The following CNTNAP2 variants were observed in gnomAD, a reference collection of about 807,000 sequenced individuals.
CNTNAP2 encodes the protein contactin-associated protein-like 2.
CNTNAP2 carries 98 observed loss-of-function variants against 155.2 expected under a neutral mutation model. The ratio of observed to expected loss-of-function variants is 0.63; its 90% CI spans 0.54 to 0.75. The LOEUF (loss-of-function observed/expected upper bound fraction) is 0.75, where lower values mean the gene tolerates loss of function less well. CNTNAP2 is among the 30% of genes least tolerant of loss of function. The pLI is 0.00. For synonymous variants in CNTNAP2, 651 were observed against 631.2 expected, an observed-to-expected ratio of 1.03 and a Z score of -0.47; for missense variants, 1,727 against 1,688.1, an observed-to-expected ratio of 1.02 and a Z score of -0.40.
At chr7:146,558,283 T>C (rs1160129966) in intron 1 of CNTNAP2, among the ~76,000 whole-genome samples, 1 of 152,108 alleles carries the variant, frequency 6.6e-6, no homozygotes, top group African/African-American at 2.4e-5. Flanking sequence ...ACATGTTTTA[T>C]GTCACTCATG....
chr7:147,775,402 T>TA (rs1491547137), intron 13 of CNTNAP2, among the ~76,000 whole-genome samples: 6 of 112,576 alleles, frequency 5.3e-5, no homozygotes, highest in East Asian at 2.2e-4. Flanking sequence ...AATATATATA[T>TA]TTATATATAT....
At chr7:147,172,120 G>T (rs1802240400) in intron 8 of CNTNAP2, among the ~76,000 whole-genome samples, 1 of 152,048 alleles carries the variant, frequency 6.6e-6, no homozygotes, top group Non-Finnish European at 1.5e-5. Context: ...GATATTCTCA[G>T]TCGGTGATTT....
intron 3 of CNTNAP2, among the ~76,000 whole-genome samples, chr7:146,991,112 A>G (rs1420569159): frequency 6.6e-6 from 1 of 152,148 alleles, no homozygotes. Flanking sequence ...AAGGCTCAAG[A>G]AAGAACTAAA....
chr7:147,849,384 C>G (rs976128003), intron 13 of CNTNAP2, among the ~76,000 whole-genome samples: 4 of 152,036 alleles, frequency 2.6e-5, no homozygotes, highest in African/African-American at 9.7e-5. Flanking sequence ...GGAGTGTAGA[C>G]TTTTAGAACA....
intron 9 of CNTNAP2, among the ~76,000 whole-genome samples, chr7:147,313,219 C>A (rs537088750): frequency 1.1e-4 from 16 of 152,146 alleles, no homozygotes; most frequent in Non-Finnish European, 2.2e-4. Flanking sequence ...GGTTCCCATC[C>A]CACTCTGCTG....
intron 15 of CNTNAP2, among the ~76,000 whole-genome samples, chr7:148,004,578 C>T (rs1801943558): frequency 6.6e-6 from 1 of 152,076 alleles, no homozygotes; most frequent in Non-Finnish European, 1.5e-5. Context: ...TATTTTTTCT[C>T]ATTTTTTCAT....
chr7:147,969,098 T>G (rs375699543), intron 14 of CNTNAP2, among the ~76,000 whole-genome samples: 13 of 152,316 alleles, frequency 8.5e-5, no homozygotes, highest in East Asian at 1.9e-4. Context: ...AATGTCTTGC[T>G]CTATATGGTG....
chr7:146,303,325 T>C (rs1399087101), intron 1 of CNTNAP2, among the ~76,000 whole-genome samples: 1 of 152,100 alleles, frequency 6.6e-6, no homozygotes, highest in African/African-American at 2.4e-5. Context: ...ATAAGCAATT[T>C]GCCAGTCTCA....
chr7:146,428,075 T>A (rs1228374935), intron 1 of CNTNAP2, among the ~76,000 whole-genome samples: 1 of 152,228 alleles, frequency 6.6e-6, no homozygotes, highest in African/African-American at 2.4e-5. Context: ...CATAGTCTCG[T>A]TCCTTGTTAT....
rs562449907 is a variant in CNTNAP2 at position 147,910,942 on chromosome 7, A to C, written c.2255+7221A>C. 1.9e-3 allele frequency among the ~76,000 whole-genome samples: 292 copies of C among 152,204 alleles called. 2 individuals are homozygous for C. The South Asian group carries it at 0.029, about 15-fold the overall frequency. ...TACAGCACAATTTCATTTTTTTTCC[A>C]ATTTTTATTATGGTAAATACACATA... is the stretch of plus-strand genomic sequence containing the variant. On this transcript the variant is annotated intron_variant, in intron 14 of 23. Transcript: ENST00000361727.
intron 3 of CNTNAP2, among the ~76,000 whole-genome samples, chr7:146,961,172 A>G (rs1473029530): frequency 2.0e-5 from 3 of 152,168 alleles, no homozygotes; most frequent in Non-Finnish European, 4.4e-5. Context: ...CCGTGAACCC[A>G]TTTACATTTT....
chr7:146,362,834 G>A (rs951626688), intron 1 of CNTNAP2, among the ~76,000 whole-genome samples: 2 of 137,046 alleles, frequency 1.5e-5, no homozygotes, highest in African/African-American at 2.8e-5. Flanking sequence ...GCAGTGGCAC[G>A]ATCTCGGCTC....
chr7:148,269,623 C>T (rs924475840), intron 21 of CNTNAP2, among the ~76,000 whole-genome samples: 2 of 152,186 alleles, frequency 1.3e-5, no homozygotes, highest in African/African-American at 2.4e-5. Flanking sequence ...AGTTTGGAAG[C>T]GAGGTCTCTC....
intron 3 of CNTNAP2, among the ~76,000 whole-genome samples, chr7:146,872,492 A>G (rs972761142): frequency 6.6e-6 from 1 of 152,148 alleles, no homozygotes; most frequent in African/African-American, 2.4e-5. Flanking sequence ...TGTCAGCTGA[A>G]AGACCTACAA....
chr7:147,298,104 G>A (rs888155039), intron 8 of CNTNAP2, among the ~76,000 whole-genome samples: 5 of 152,012 alleles, frequency 3.3e-5, no homozygotes, highest in African/African-American at 1.2e-4. Flanking sequence ...TTTAGAGCAG[G>A]GATTTTATAC....
In CNTNAP2 at chr7:146,857,718, G is replaced by GA. The variant is rs372122360; in HGVS notation, c.402+17820dup. Among the ~76,000 whole-genome samples, 1,163 of 152,204 alleles carry GA rather than the reference G, an allele frequency of 7.6e-3. 15 individuals carry two copies. The highest frequency in any genetic ancestry group is 0.027 in the African/African-American group (1,120 of 41,538). On this transcript the variant is annotated intron_variant, in intron 3 of 23. Transcript: ENST00000361727. ...ATTGACAGGAGCACGTGGAATATAAGAAAAAAGACACACCAATCTATCAAT... is the reference window on the plus strand; with the variant it reads ...ATTGACAGGAGCACGTGGAATATAAGAAAAAAAGACACACCAATCTATCAAT...
In CNTNAP2 at chr7:146,772,502, CAAA is replaced by C. The variant is rs71165037; in HGVS notation, c.98-1753_98-1751del. On this transcript the variant is annotated intron_variant, in intron 1 of 23. Transcript: ENST00000361727. The stretch of plus-strand genomic sequence containing the variant: ...TGAAACCCCGTCTCTACTGAAAATA[CAAA>C]AAAAAAAAAAAAAAATAGCTGTACT... Among the ~76,000 whole-genome samples, 489 of 96,214 alleles carry C rather than the reference CAAA, an allele frequency of 5.1e-3. 1 individual carries two copies. The highest frequency in any genetic ancestry group is 0.014 in the African/African-American group (454 of 32,256). 63.1% of individuals were successfully genotyped at this position (96,214 alleles called of 152,430 possible).
At chr7:148,007,473 A>T (rs141593232) in intron 15 of CNTNAP2, among the ~76,000 whole-genome samples, 1 of 152,296 alleles carries the variant, frequency 6.6e-6, no homozygotes, top group East Asian at 1.9e-4. Flanking sequence ...ATTTATGCAT[A>T]CTTCTGGCTG....
chr7:148,246,229 A>G lies in CNTNAP2; in HGVS notation c.3381+16450A>G, dbSNP rs193155563. Among the ~76,000 whole-genome samples the G allele has an allele frequency of 2.0e-3, 311 of 152,354 alleles. 1 individual carries two copies. Among genetic ancestry groups the G allele is most frequent in the African/African-American group, 6.8e-3 (282 of 41,578 alleles). On this transcript the variant is annotated intron_variant, in intron 20 of 23. Transcript: ENST00000361727. ...GCTGCCAAAACCTACTGGTAAAGTA[A>G]TATCAATAGAGCCACCGTACTAAAA...
Sources: gnomAD v4.1 joint callset for allele counts (sites outside exome capture counted in the v4.1 genomes callset) on GRCh38, gnomAD v4.1.1 for gene constraint, MANE v1.5 for transcripts, NCBI Gene and HGNC (gene_info 2026-07-23, HGNC 2026-07-21) for gene names.